EHMT1: variants seen among roughly 807,000 people sequenced by gnomAD.
EHMT1 encodes euchromatic histone lysine methyltransferase 1.
EHMT1 carries 15 observed loss-of-function variants against 147.2 expected under a neutral mutation model. The ratio of observed to expected loss-of-function variants is 0.10; its 90% CI spans 0.07 to 0.16. The LOEUF is 0.16. EHMT1 is among the 10% of genes least tolerant of loss of function. The pLI, the probability that EHMT1 is intolerant of heterozygous loss-of-function variation, is 1.00. For missense variants in EHMT1, 1,587 were observed against 1,772.4 expected (o/e 0.90, Z 1.88); for synonymous variants, 795 against 709.6 (o/e 1.12, Z -1.91).
chr9:137,777,966 T>G lies in EHMT1; in HGVS notation c.2103T>G (p.Pro701=), dbSNP rs1235274231. 4 of 1,613,746 alleles carry G rather than the reference T, an allele frequency of 2.5e-6. No homozygotes were observed. In the African/African-American group the frequency reaches 4.0e-5, roughly 16 times the overall value. The change falls in exon 13 of 27, where the codon CCT becomes CCG. Residue 701 remains proline, a synonymous_variant. Coordinates refer to ENST00000460843, the MANE Select transcript of EHMT1 (RefSeq NM_024757.5). ...CCGAGGGCTTTGATCCAACGGGACC[T>G]GCTGGGCTTGGGAGGCCAACTCCCG... ...HVPEGFDPTG[P]AGLGRPTPGL... is the part of the protein sequence containing the mutation.
At chr9:137,789,552 T>C (rs996683635) in intron 15 of EHMT1, among the ~76,000 whole-genome samples, 2 of 152,222 alleles carry the variant, frequency 1.3e-5, no homozygotes, top group Non-Finnish European at 2.9e-5. Flanking sequence ...AGCCGGACCT[T>C]GGCTTTGAGC....
intron 18 of EHMT1, among the ~76,000 whole-genome samples, chr9:137,810,704 G>GTT (rs560047331): frequency 4.2e-5 from 6 of 143,782 alleles, no homozygotes; most frequent in African/African-American, 1.3e-4. Context: ...AAAATTTTTT[G>GTT]TTTTTTTTTT....
chr9:137,825,635 G>C (rs542235095), intron 25 of EHMT1, among the ~76,000 whole-genome samples: 3 of 152,212 alleles, frequency 2.0e-5, no homozygotes, highest in Non-Finnish European at 4.4e-5. Flanking sequence ...GTATTTGAAG[G>C]AGGCATATTT....
At chr9:137,737,792 G>GT in intron 4 of EHMT1, among the ~76,000 whole-genome samples, 1 of 152,312 alleles carries the variant, frequency 6.6e-6, no homozygotes, top group East Asian at 1.9e-4. Flanking sequence ...AAAGGCACCT[G>GT]TGGAGTAGGA....
At chr9:137,683,381 T>C (rs1942148910) in intron 1 of EHMT1, among the ~76,000 whole-genome samples, 1 of 152,228 alleles carries the variant, frequency 6.6e-6, no homozygotes, top group Admixed American at 6.5e-5. Context: ...GTAAAAACTA[T>C]ACATAAGCCA....
chr9:137,665,560 A>G (rs1939543924), intron 1 of EHMT1, among the ~76,000 whole-genome samples: 1 of 152,164 alleles, frequency 6.6e-6, no homozygotes, highest in South Asian at 2.1e-4. Flanking sequence ...CCCCAGAGGT[A>G]AAATGTCTCT....
At chr9:137,721,723 C>T (rs576720422) in intron 3 of EHMT1, among the ~76,000 whole-genome samples, 31 of 152,144 alleles carry the variant, frequency 2.0e-4, no homozygotes, top group African/African-American at 3.6e-4. Flanking sequence ...GGTGAAATGT[C>T]TTTCAGACTT....
At chr9:137,774,760 G>A (rs980410379) in intron 10 of EHMT1, among the ~76,000 whole-genome samples, 7 of 144,790 alleles carry the variant, frequency 4.8e-5, no homozygotes, top group African/African-American at 1.8e-4. Context: ...GGTGGATGTG[G>A]TCGCGTCTGG....
At position 137,731,788 on chromosome 9, in the gene EHMT1, C is replaced by T. The variant is rs916761412; in HGVS notation, c.823+3259C>T. Among the ~76,000 whole-genome samples, 4 of 152,184 alleles carry T rather than the reference C, an allele frequency of 2.6e-5. No homozygotes were observed. Among genetic ancestry groups the T allele is most frequent in the Non-Finnish European group, 4.4e-5 (3 of 68,026 alleles). On this transcript the variant is annotated intron_variant, in intron 4 of 26. Coordinates refer to ENST00000460843, the MANE Select transcript of EHMT1 (RefSeq NM_024757.5). This position sits in a 1 kb window ranked among gnomAD's most constrained non-coding sequence, Gnocchi z 4.3. ...GCAAGCCAGGAGTGGAGCAGCGAGG[C>T]GTGTGTTGACGAGCAAGCATGGTGT...
At chr9:137,624,681 C>G (rs986218881) in intron 1 of EHMT1, among the ~76,000 whole-genome samples, 1 of 151,838 alleles carries the variant, frequency 6.6e-6, no homozygotes, top group African/African-American at 2.4e-5. Flanking sequence ...AGGCTGGTCT[C>G]GAACTCCTGA....
At chr9:137,619,680 C>A (rs1233875159) in intron 1 of EHMT1, among the ~76,000 whole-genome samples, 1 of 152,100 alleles carries the variant, frequency 6.6e-6, no homozygotes, top group Admixed American at 6.6e-5. Flanking sequence ...AGTTTATTTC[C>A]AAACCAGCAG....
At position 137,698,040 on chromosome 9, in the gene EHMT1, G is replaced by A. The variant is rs184842010; in HGVS notation, c.22-12927G>A. Among the ~76,000 whole-genome samples the A allele has an allele frequency of 3.0e-3, 453 of 151,392 alleles. 2 individuals carry two copies. Among genetic ancestry groups the A allele is most frequent in the African/African-American group, 0.011 (435 of 41,208 alleles). Reference sequence around the variant, plus strand: ...CGCGGAGGCCTCAATCCCCACTGTCGTGAGGGCAGCGTGTGAGGGCGGCGT... The same window carrying A: ...CGCGGAGGCCTCAATCCCCACTGTCATGAGGGCAGCGTGTGAGGGCGGCGT... On this transcript the variant is annotated intron_variant, in intron 1 of 26. Coordinates refer to ENST00000460843, the MANE Select transcript of EHMT1 (RefSeq NM_024757.5).
intron 1 of EHMT1, among the ~76,000 whole-genome samples, chr9:137,647,804 C>T (rs1166567060): frequency 6.6e-6 from 1 of 151,934 alleles, no homozygotes; most frequent in Non-Finnish European, 1.5e-5. Context: ...ACCGTGTTGC[C>T]CAGGCTGGTC....
chr9:137,631,156 G>A (rs1004072238), intron 1 of EHMT1, among the ~76,000 whole-genome samples: 2 of 152,178 alleles, frequency 1.3e-5, no homozygotes, highest in African/African-American at 2.4e-5. Context: ...AGGCCGAGGC[G>A]GGTGGATTGA....
chr9:137,826,847 G>T (rs1564833874), intron 25 of EHMT1, among the ~76,000 whole-genome samples: 1 of 152,226 alleles, frequency 6.6e-6, no homozygotes, highest in Non-Finnish European at 1.5e-5. Flanking sequence ...CTGTGTGGAA[G>T]GGCCATTTCC....
chr9:137,719,534 C>A (rs1260258429), intron 3 of EHMT1, among the ~76,000 whole-genome samples: 1 of 152,180 alleles, frequency 6.6e-6, no homozygotes, highest in Admixed American at 6.5e-5. Flanking sequence ...CCTGACCCGA[C>A]CTCAACCTTT....
chr9:137,621,350 T>C (rs1452440469), intron 1 of EHMT1, among the ~76,000 whole-genome samples: 3 of 152,324 alleles, frequency 2.0e-5, no homozygotes, highest in East Asian at 1.9e-4. Flanking sequence ...TGGAAACTTA[T>C]CTAACTTCAT....
intron 1 of EHMT1, among the ~76,000 whole-genome samples, chr9:137,633,399 C>T (rs1843753372): frequency 6.6e-6 from 1 of 151,264 alleles, no homozygotes; most frequent in African/African-American, 2.4e-5. Context: ...AATTGGGGTT[C>T]AATGTTAATG....
intron 16 of EHMT1, among the ~76,000 whole-genome samples, chr9:137,796,440 C>T (rs939751249): frequency 2.6e-5 from 4 of 152,186 alleles, no homozygotes; most frequent in Non-Finnish European, 5.9e-5. Flanking sequence ...TGCAGTGGCT[C>T]ACGCCTGTAA....
Sources: allele counts gnomAD v4.1 joint callset (sites outside exome capture counted in the v4.1 genomes callset), GRCh38; gene constraint gnomAD v4.1.1; non-coding constraint Gnocchi (gnomAD v3.1); transcripts MANE v1.5; gene names NCBI Gene and HGNC (gene_info 2026-07-23, HGNC 2026-07-21).